Variants in ASTN2 observed in about 807,000 individuals in gnomAD.
ASTN2 encodes the protein astrotactin 2, also known as astrotactin-2.
In ASTN2, 54 loss-of-function variants were observed where a neutral mutation model predicts 139.8. The observed-to-expected ratio is 0.39, with a 90% CI of 0.31 to 0.48. The LOEUF is 0.48. Among genes scored for constraint, ASTN2 ranks in the 20% least tolerant of loss-of-function variants. The pLI is 0.95. For missense variants in ASTN2, 1,565 were observed against 1,725.1 expected, an observed-to-expected ratio of 0.91 and a Z score of 1.64; for synonymous variants, 756 against 719.5, an observed-to-expected ratio of 1.05 and a Z score of -0.81.
At chr9:117,080,812 G>A (rs1232940470) in intron 5 of ASTN2, among the ~76,000 whole-genome samples, 1 of 152,080 alleles carries the variant, frequency 6.6e-6, no homozygotes, top group African/African-American at 2.4e-5. Flanking sequence ...CCTAAGGGCT[G>A]GAGTCATGTC....
intron 13 of ASTN2, among the ~76,000 whole-genome samples, chr9:116,804,444 A>C (rs1480095540): frequency 6.6e-6 from 1 of 152,168 alleles, no homozygotes; most frequent in Non-Finnish European, 1.5e-5. Flanking sequence ...AAGCTACTCT[A>C]GATTTCTCTT....
At chr9:116,776,025 A>G (rs534764880) in intron 13 of ASTN2, among the ~76,000 whole-genome samples, 3 of 152,310 alleles carry the variant, frequency 2.0e-5, no homozygotes, top group Admixed American at 2.0e-4. Flanking sequence ...AGGGTGCCCC[A>G]CTGAAGGGAG....
At chr9:117,159,912 G>A (rs892065705) in intron 3 of ASTN2, among the ~76,000 whole-genome samples, 1 of 152,012 alleles carries the variant, frequency 6.6e-6, no homozygotes, top group Non-Finnish European at 1.5e-5. Flanking sequence ...AGTCTGGCTA[G>A]GCTCAGTTTT....
chr9:117,312,904 TC>T (rs1213289771), intron 1 of ASTN2, among the ~76,000 whole-genome samples: 3 of 152,136 alleles, frequency 2.0e-5, no homozygotes, highest in Non-Finnish European at 4.4e-5. Flanking sequence ...GGAAAATGCA[TC>T]AAGGCCATGT....
At position 116,425,772 on chromosome 9, in the gene ASTN2, C is replaced by T. The variant is rs1847286923; in HGVS notation, c.*79G>A. 3 of 1,605,922 alleles carry T rather than the reference C, an allele frequency of 1.9e-6. No individual in the cohort carries two copies. The highest frequency in any genetic ancestry group is 1.7e-5 in the Admixed American group (1 of 59,648). On this transcript the variant is annotated 3_prime_UTR_variant, in exon 23 of 23. Coordinates refer to ENST00000313400, the MANE Select transcript of ASTN2 (RefSeq NM_001365068.1). ...CCATCCTCAGCTGTCCCCCAGCCCACCCAGGCCCCAGGATCCAGGAGAATA... is the reference window on the plus strand; with the variant it reads ...CCATCCTCAGCTGTCCCCCAGCCCATCCAGGCCCCAGGATCCAGGAGAATA...
chr9:116,609,820 G>A (rs1439534639), intron 19 of ASTN2, among the ~76,000 whole-genome samples: 1 of 152,052 alleles, frequency 6.6e-6, no homozygotes, highest in Non-Finnish European at 1.5e-5. Context: ...CATAAGGCTT[G>A]GAAGAGAGGA....
intron 7 of ASTN2, among the ~76,000 whole-genome samples, chr9:116,986,972 G>A (rs1410571655): frequency 2.6e-5 from 4 of 152,208 alleles, no homozygotes; most frequent in Non-Finnish European, 5.9e-5. Context: ...AATGTGCACT[G>A]AGGAATCCTG....
chr9:116,439,415 TGGTCTC>T (rs1847772593), intron 22 of ASTN2, among the ~76,000 whole-genome samples: 3 of 139,670 alleles, frequency 2.1e-5, no homozygotes, highest in South Asian at 6.5e-4. Context: ...TTAGCCGGGA[TGGTCTC>T]GATCTCCTGA....
intron 15 of ASTN2, among the ~76,000 whole-genome samples, chr9:116,726,276 T>C (rs1241692869): frequency 6.6e-6 from 1 of 152,144 alleles, no homozygotes; most frequent in Non-Finnish European, 1.5e-5. Context: ...GAGCAACCAA[T>C]GTGTACTGGG....
chr9:116,760,686 T>C (rs139417600), intron 13 of ASTN2, among the ~76,000 whole-genome samples: 12 of 150,238 alleles, frequency 8.0e-5, no homozygotes, highest in Non-Finnish European at 1.0e-4. Context: ...GGGAGAGAGG[T>C]AGAATCTGCA....
intron 2 of ASTN2, among the ~76,000 whole-genome samples, chr9:117,285,586 T>A (rs1834429476): frequency 6.6e-6 from 1 of 152,222 alleles, no homozygotes; most frequent in African/African-American, 2.4e-5. Flanking sequence ...TCTATGTTAT[T>A]ATATCACAGA....
chr9:116,716,650 C>T (rs1216716092), intron 16 of ASTN2, among the ~76,000 whole-genome samples: 4 of 152,168 alleles, frequency 2.6e-5, no homozygotes, highest in African/African-American at 9.7e-5. Flanking sequence ...AACCTCAATG[C>T]AGTATTCCAG....
chr9:116,667,244 C>G (rs1390134698), intron 16 of ASTN2, among the ~76,000 whole-genome samples: 1 of 152,146 alleles, frequency 6.6e-6, no homozygotes, highest in South Asian at 2.1e-4. Flanking sequence ...GCGTGAACCA[C>G]CACACCTGGC....
At chr9:117,175,568 G>C (rs976861587) in intron 3 of ASTN2, among the ~76,000 whole-genome samples, 4 of 152,156 alleles carry the variant, frequency 2.6e-5, no homozygotes, top group Non-Finnish European at 5.9e-5. Context: ...AAAGTAGCAT[G>C]GTACTAGAAC....
intron 12 of ASTN2, among the ~76,000 whole-genome samples, chr9:116,816,447 C>T (rs1831332149): frequency 6.6e-6 from 1 of 152,218 alleles, no homozygotes. Flanking sequence ...GCTTAGGCAC[C>T]TCTTTGCCCC....
chr9:117,060,955 T>C (rs1839272521), intron 5 of ASTN2, among the ~76,000 whole-genome samples: 1 of 152,004 alleles, frequency 6.6e-6, no homozygotes, highest in Non-Finnish European at 1.5e-5. Context: ...CGATAGAATT[T>C]ACACTAGGAA....
chr9:116,701,343 T>C (rs1861162983), intron 16 of ASTN2: 1 of 163,456 alleles, frequency 6.1e-6, no homozygotes, highest in East Asian at 1.9e-4. Context: ...CATATTCTGA[T>C]TATGAAATTG....
chr9:116,961,179 C>A (rs1446047600), intron 10 of ASTN2, among the ~76,000 whole-genome samples: 2 of 151,224 alleles, frequency 1.3e-5, no homozygotes, highest in Non-Finnish European at 2.9e-5. Flanking sequence ...TTCTTCCCCC[C>A]ACCCAGCCCC....
intron 3 of ASTN2, among the ~76,000 whole-genome samples, chr9:117,205,008 G>A (rs890323593): frequency 6.6e-6 from 1 of 152,120 alleles, no homozygotes; most frequent in Admixed American, 6.5e-5. Context: ...TATGTGGGAG[G>A]CACTGTGCTG....
Sources: gnomAD v4.1 joint callset for allele counts (sites outside exome capture counted in the v4.1 genomes callset) on GRCh38, gnomAD v4.1.1 for gene constraint, MANE v1.5 for transcripts, NCBI Gene and HGNC (gene_info 2026-07-23, HGNC 2026-07-21) for gene names.